TECRL: variants seen among roughly 807,000 people sequenced by gnomAD.
TECRL encodes the protein trans-2,3-enoyl-CoA reductase-like.
In TECRL, 63 loss-of-function variants were observed where a neutral mutation model predicts 52.8. That is an observed-to-expected ratio of 1.19 (90% CI 0.97 to 1.47). TECRL has a LOEUF of 1.47. Among genes scored for constraint, TECRL ranks in the 40% most tolerant of loss-of-function variants. The pLI, the probability that TECRL is intolerant of heterozygous loss-of-function variation, is 0.00. For missense variants in TECRL, 482 were observed against 429.6 expected, an observed-to-expected ratio of 1.12 and a Z score of -1.08; for synonymous variants, 164 against 141.9, an observed-to-expected ratio of 1.16 and a Z score of -1.10.
intron 1 of TECRL, among the ~76,000 whole-genome samples, chr4:64,402,573 G>A (rs115041940): frequency 0.014 from 2,200 of 151,962 alleles, 26 homozygotes; most frequent in South Asian, 0.032. Flanking sequence ...TGGACAATAC[G>A]GAATGAATAT....
At chr4:64,296,229 T>G (rs544340666) in intron 8 of TECRL, among the ~76,000 whole-genome samples, 1 of 151,882 alleles carries the variant, frequency 6.6e-6, no homozygotes, top group Non-Finnish European at 1.5e-5. Flanking sequence ...CTGTGGTTTA[T>G]ATAGTAGGGA....
intron 2 of TECRL, among the ~76,000 whole-genome samples, chr4:64,350,773 A>T (rs1720330796): frequency 6.6e-6 from 1 of 151,792 alleles, no homozygotes; most frequent in African/African-American, 2.4e-5. Flanking sequence ...TCCCATCAGG[A>T]CGTGCCAAGC....
chr4:64,291,572 T>C (rs141285140), intron 8 of TECRL, among the ~76,000 whole-genome samples: 2 of 151,976 alleles, frequency 1.3e-5, no homozygotes, highest in African/African-American at 4.8e-5. Context: ...ATGAAACGTA[T>C]TTGTTTTGAG....
chr4:64,409,131 C>T lies in TECRL; in HGVS notation c.221G>A (p.Cys74Tyr), dbSNP rs894970499. The T allele has an allele frequency of 3.1e-6, 5 of 1,609,276 alleles. No homozygotes were observed. Among genetic ancestry groups the T allele is most frequent in the Non-Finnish European group, 4.2e-6 (5 of 1,177,778 alleles). ...IFDAQTRKQICILDKVTQSST... is the reference protein window; with the variant it reads ...IFDAQTRKQIYILDKVTQSST... ...AAATAAACTCACCTTATCCAGAATA[C>T]ATATCTGTTTCCTTGTTTGAGCATC... is the stretch of plus-strand genomic sequence containing the variant. The change falls in exon 1 of 12, where the codon TGT becomes TAT. Residue 74 changes from cysteine to tyrosine, a missense_variant. Physicochemically the swap from Cys to Tyr is radical, Grantham distance 194 (BLOSUM62 -2). Coordinates refer to ENST00000381210, the MANE Select transcript of TECRL (RefSeq NM_001010874.5).
intron 2 of TECRL, among the ~76,000 whole-genome samples, chr4:64,341,093 G>A (rs770692794): frequency 2.0e-5 from 3 of 152,058 alleles, no homozygotes; most frequent in Non-Finnish European, 4.4e-5. Flanking sequence ...CCACTCTAGG[G>A]TCTCCTCTCT....
chr4:64,288,830 A>T (rs2109943760), intron 9 of TECRL, among the ~76,000 whole-genome samples: 1 of 152,330 alleles, frequency 6.6e-6, no homozygotes, highest in East Asian at 1.9e-4. Context: ...ACATTGGTCA[A>T]CAGAAAGGAC....
chr4:64,294,516 A>T (rs1577817110), intron 8 of TECRL, among the ~76,000 whole-genome samples: 1 of 152,248 alleles, frequency 6.6e-6, no homozygotes, highest in South Asian at 2.1e-4. Flanking sequence ...CGTAATAGGT[A>T]CCGACGAAGA....
At chr4:64,300,554 C>T (rs949526374) in intron 7 of TECRL, among the ~76,000 whole-genome samples, 1 of 150,250 alleles carries the variant, frequency 6.7e-6, no homozygotes, top group Non-Finnish European at 1.5e-5. Context: ...ATGTAGAAAA[C>T]ACCATTTAAA....
chr4:64,369,207 T>A (rs1212553207), intron 2 of TECRL, among the ~76,000 whole-genome samples: 1 of 152,188 alleles, frequency 6.6e-6, no homozygotes, highest in Non-Finnish European at 1.5e-5. Context: ...CAGCTGTTAA[T>A]CATTCATTGA....
chr4:64,284,092 G>A (rs564527749), intron 9 of TECRL, among the ~76,000 whole-genome samples: 1 of 152,150 alleles, frequency 6.6e-6, no homozygotes, highest in African/African-American at 2.4e-5. Flanking sequence ...ATCTGAGGGT[G>A]TTTGAAAAGA....
chr4:64,354,305 T>C (rs1417728999), intron 2 of TECRL, among the ~76,000 whole-genome samples: 2 of 152,036 alleles, frequency 1.3e-5, no homozygotes. Flanking sequence ...GAGAGGGAAA[T>C]CATAGCACAA....
At chr4:64,335,554 C>CTG (rs996749304) in intron 2 of TECRL, among the ~76,000 whole-genome samples, 6 of 152,140 alleles carry the variant, frequency 3.9e-5, no homozygotes, top group Non-Finnish European at 5.9e-5. Context: ...CCTACATCCC[C>CTG]TGTGTGTGGA....
chr4:64,394,752 C>T (rs1224048429), intron 1 of TECRL, among the ~76,000 whole-genome samples: 1 of 152,022 alleles, frequency 6.6e-6, no homozygotes, highest in Non-Finnish European at 1.5e-5. Flanking sequence ...ATTTACTGTG[C>T]AGCAGGTACT....
intron 1 of TECRL, among the ~76,000 whole-genome samples, chr4:64,407,699 G>GT (rs1319564845): frequency 6.6e-6 from 1 of 151,276 alleles, no homozygotes; most frequent in Admixed American, 6.6e-5. Context: ...ATTTAACTGT[G>GT]TTTTTTCTTG....
intron 2 of TECRL, among the ~76,000 whole-genome samples, chr4:64,366,860 C>T (rs981980243): frequency 2.0e-5 from 3 of 151,372 alleles, no homozygotes; most frequent in East Asian, 2.0e-4. Context: ...ACAGAACTAT[C>T]GTTTGGCCCA....
chr4:64,284,667 C>A (rs1006030346), intron 9 of TECRL, among the ~76,000 whole-genome samples: 1 of 152,024 alleles, frequency 6.6e-6, no homozygotes, highest in Non-Finnish European at 1.5e-5. Context: ...AAATGAATGG[C>A]CTGTTCATAG....
In TECRL at chr4:64,403,486, C is replaced by CACACAA. The variant is rs565863371; in HGVS notation, c.234+5631_234+5632insTTGTGT. Among the ~76,000 whole-genome samples the CACACAA allele has an allele frequency of 7.9e-5, 12 of 151,980 alleles. No homozygotes were observed. In the East Asian group the frequency reaches 2.1e-3, roughly 27 times the overall value. On this transcript the variant is annotated intron_variant, in intron 1 of 11. Transcript: ENST00000381210. ...TTCCCTCCCTGAGCGCACACACACA[C>CACACAA]ACACACACACACACACATAGACTTA... is the stretch of plus-strand genomic sequence containing the variant.
At chr4:64,378,491 TCAAA>T (rs751693623) in intron 1 of TECRL, among the ~76,000 whole-genome samples, 6 of 151,930 alleles carry the variant, frequency 3.9e-5, no homozygotes, top group South Asian at 4.1e-4. Flanking sequence ...AGACCCTGTC[TCAAA>T]CAAACAAACA....
At chr4:64,388,582 G>T (rs1196368172) in intron 1 of TECRL, among the ~76,000 whole-genome samples, 1 of 151,738 alleles carries the variant, frequency 6.6e-6, no homozygotes, top group East Asian at 1.9e-4. Context: ...ATTTTAGTAG[G>T]GATTGCATTA....
Sources: gnomAD v4.1 joint callset for allele counts (sites outside exome capture counted in the v4.1 genomes callset) on GRCh38, gnomAD v4.1.1 for gene constraint, MANE v1.5 for transcripts, NCBI Gene and HGNC (gene_info 2026-07-23, HGNC 2026-07-21) for gene names.